CLCN6: variants seen among roughly 807,000 people sequenced by gnomAD.
CLCN6 encodes Cl-/H+ antiporter 6.
CLCN6 carries 70 observed loss-of-function variants against 109.8 expected under a neutral mutation model. The observed-to-expected ratio is 0.64, with a 90% CI of 0.53 to 0.78. CLCN6 has a LOEUF of 0.78. CLCN6 is among the 30% of genes least tolerant of loss of function. The pLI is 0.00. For missense variants in CLCN6, 984 were observed against 1,142.3 expected, an observed-to-expected ratio of 0.86 and a Z score of 2.00; for synonymous variants, 444 against 447.8, an observed-to-expected ratio of 0.99 and a Z score of 0.11.
chr1:11,806,289 C>T lies in CLCN6; in HGVS notation c.27C>T (p.Cys9=). The change falls in exon 1 of 23, where the codon TGC becomes TGT. Residue 9 remains cysteine, a synonymous_variant. Coordinates refer to ENST00000346436, the MANE Select transcript of CLCN6 (RefSeq NM_001286.5). MAGCRGSL[C]CCCRWCCCCG... ...TGGCGGGGTGCAGGGGGTCTCTGTG[C>T]TGCTGCTGCAGGTGGTGCTGCTGCT... The T allele has an allele frequency of 6.6e-7, 1 of 1,506,230 alleles. No individual in the cohort carries two copies. Among genetic ancestry groups the T allele is most frequent in the Non-Finnish European group, 8.8e-7 (1 of 1,138,214 alleles). 93.3% of individuals were successfully genotyped at this position (1,506,230 alleles called of 1,614,324 possible).
At chr1:11,828,348 C>T (rs1268627794) in intron 11 of CLCN6, 110 bp from the exon 12 acceptor site, 3 of 1,469,562 alleles carry the variant, frequency 2.0e-6, no homozygotes, top group Admixed American at 1.7e-5. Context: ...CCATTAGCCT[C>T]TGCCGTGCGG....
At chr1:11,813,534 G>T (rs930589904) in intron 2 of CLCN6, among the ~76,000 whole-genome samples, 2 of 152,028 alleles carry the variant, frequency 1.3e-5, no homozygotes, top group Non-Finnish European at 2.9e-5. Context: ...GGGATTACAA[G>T]TGTGTGCCAC....
At chr1:11,822,579 G>A (rs1441029577) in intron 5 of CLCN6, 116 bp from the exon 6 acceptor site, 1 of 627,114 alleles carries the variant, frequency 1.6e-6, no homozygotes, top group Non-Finnish European at 2.9e-6. Context: ...TATATATAGA[G>A]AAAAAGTGCA....
chr1:11,827,268 C>A, intron 10 of CLCN6, 47 bp downstream of exon 10: 2 of 1,580,144 alleles, frequency 1.3e-6, no homozygotes, highest in South Asian at 2.3e-5. Flanking sequence ...CCCCGAATTA[C>A]ACTGGGTGTC....
intron 4 of CLCN6, among the ~76,000 whole-genome samples, chr1:11,817,778 A>G (rs1250252177): frequency 2.0e-5 from 3 of 152,332 alleles, no homozygotes; most frequent in East Asian, 1.9e-4. Flanking sequence ...TGTGTTCGGT[A>G]TAATATAGCC....
chr1:11,833,483 C>T, intron 13 of CLCN6, 32 bp from the exon 14 acceptor site: 1 of 1,611,190 alleles, frequency 6.2e-7, no homozygotes, highest in Non-Finnish European at 8.5e-7. Context: ...GTCAGGTGTC[C>T]TTGTACTGAT....
chr1:11,823,109 C>A (rs1232198579), intron 6 of CLCN6, among the ~76,000 whole-genome samples: 3 of 152,174 alleles, frequency 2.0e-5, no homozygotes, highest in African/African-American at 7.2e-5. Flanking sequence ...TCCCAAACCT[C>A]AGCATCATGC....
chr1:11,806,499 C>T (rs1644513127), intron 1 of CLCN6, 150 bp downstream of exon 1: 1 of 583,030 alleles, frequency 1.7e-6, no homozygotes, highest in South Asian at 2.7e-5. Context: ...AAGCGTCTAC[C>T]CTGCTTCACG....
intron 7 of CLCN6, 26 bp from the exon 8 acceptor site, chr1:11,824,460 G>T: frequency 6.2e-7 from 1 of 1,602,614 alleles, no homozygotes; most frequent in Non-Finnish European, 8.5e-7. Flanking sequence ...ACTGACTGTT[G>T]GTCTTTCCTT....
At chr1:11,812,075 C>T (rs1273153806) in intron 2 of CLCN6, among the ~76,000 whole-genome samples, 2 of 151,962 alleles carry the variant, frequency 1.3e-5, no homozygotes, top group Non-Finnish European at 2.9e-5. Flanking sequence ...GATTATGCCA[C>T]TGCACTCCAT....
At chr1:11,836,650 A>AG (rs143389418) in intron 18 of CLCN6, among the ~76,000 whole-genome samples, 5,636 of 152,116 alleles carry the variant, frequency 0.037, 154 homozygotes, top group Middle Eastern at 0.078. Context: ...ATCCAGGGAG[A>AG]GGGGGTATCC....
rs1444491177 is a variant in CLCN6 at position 11,842,576 on chromosome 1, C to T, written c.*2353C>T. 2.0e-5 allele frequency: 3 copies of T among 152,736 alleles called. No individual in the cohort carries two copies. The highest frequency in any genetic ancestry group is 2.9e-5 in the Non-Finnish European group (2 of 68,086). The allele number at this position is 152,736 out of a possible 1,614,324, so 9.5% of individuals were successfully genotyped here. Reference sequence around the variant, plus strand: ...GCAGCCCCATCACCCAGTGATCAGTCGCCTCAGTAAAGCAGATCTGTGGAT... The same window carrying T: ...GCAGCCCCATCACCCAGTGATCAGTTGCCTCAGTAAAGCAGATCTGTGGAT... On this transcript the variant is annotated 3_prime_UTR_variant, in exon 23 of 23. Coordinates refer to ENST00000346436, the MANE Select transcript of CLCN6 (RefSeq NM_001286.5).
intron 19 of CLCN6, 38 bp downstream of exon 19, chr1:11,837,194 A>T: frequency 6.2e-7 from 1 of 1,609,938 alleles, no homozygotes. Flanking sequence ...CCGCAGGGCT[A>T]CACAGCGGTG....
chr1:11,841,921 G>A lies in CLCN6; in HGVS notation c.*1698G>A, dbSNP rs1424528247. The A allele has an allele frequency of 6.6e-6, 1 of 152,106 alleles. No homozygotes were observed. The highest frequency in any genetic ancestry group is 1.9e-4 in the East Asian group (1 of 5,200). The allele number at this position is 152,106 out of a possible 1,614,324, so 9.4% of individuals were successfully genotyped here. On this transcript the variant is annotated 3_prime_UTR_variant, in exon 23 of 23. Coordinates refer to ENST00000346436, the MANE Select transcript of CLCN6 (RefSeq NM_001286.5). ...AGAATGCACCTGACTTATGAAATGG[G>A]GATAATACTCCCAGGAAATAGCGCA... is the stretch of plus-strand genomic sequence containing the variant.
At chr1:11,833,149 G>C (rs561881224) in intron 13 of CLCN6, among the ~76,000 whole-genome samples, 5 of 152,016 alleles carry the variant, frequency 3.3e-5, no homozygotes, top group Admixed American at 3.3e-4. Context: ...CCAGTCACTT[G>C]CTCTCACCTG....
At chr1:11,830,147 T>A (rs41275488) in intron 13 of CLCN6, 1 of 152,172 alleles carries the variant, frequency 6.6e-6, no homozygotes, top group South Asian at 2.1e-4. Flanking sequence ...AGTGGTCCCA[T>A]GAGGTAGTCC....
intron 2 of CLCN6, among the ~76,000 whole-genome samples, chr1:11,815,509 C>T (rs1449689097): frequency 6.6e-6 from 1 of 152,204 alleles, no homozygotes; most frequent in Admixed American, 6.5e-5. Context: ...GATTCTCCTG[C>T]CTCAGCCTCC....
chr1:11,838,765 G>A (rs768210413), intron 22 of CLCN6, 105 bp downstream of exon 22: 1 of 1,531,160 alleles, frequency 6.5e-7, no homozygotes, highest in African/African-American at 1.4e-5. Context: ...ATCCCACCAG[G>A]AGGGGAGAGT....
At chr1:11,833,129 C>G (rs1644900945) in intron 13 of CLCN6, among the ~76,000 whole-genome samples, 1 of 151,998 alleles carries the variant, frequency 6.6e-6, no homozygotes, top group Non-Finnish European at 1.5e-5. Context: ...CCCCAGATAC[C>G]TGTCAACTCC....
Sources: gnomAD v4.1 joint callset for allele counts (sites outside exome capture counted in the v4.1 genomes callset) on GRCh38, gnomAD v4.1.1 for gene constraint, MANE v1.5 for transcripts, NCBI Gene and HGNC (gene_info 2026-07-23, HGNC 2026-07-21) for gene names.